The following COL25A1 variants were observed in gnomAD, a reference collection of about 807,000 sequenced individuals.
COL25A1 encodes collagen type XXV alpha 1 chain, also known as collagen alpha-1(XXV) chain.
In COL25A1, 103 loss-of-function variants were observed where a neutral mutation model predicts 128.4. That is an observed-to-expected ratio of 0.80 (90% CI 0.68 to 0.94). COL25A1 has a LOEUF of 0.94. COL25A1 is among the 40% of genes least tolerant of loss of function. COL25A1 has a pLI of 0.00. For missense variants in COL25A1, 745 were observed against 840.0 expected, an observed-to-expected ratio of 0.89 and a Z score of 1.40; for synonymous variants, 279 against 277.2, an observed-to-expected ratio of 1.01 and a Z score of -0.06.
At position 108,819,760 on chromosome 4, in the gene COL25A1, A is replaced by G. The variant is rs564497862; in HGVS notation, c.1846-431T>C. The G allele has an allele frequency of 5.1e-6, 5 of 989,566 alleles. No homozygotes were observed. In the African/African-American group the frequency reaches 8.4e-5, roughly 17 times the overall value. The allele number at this position is 989,566 out of a possible 1,614,324, so 61.3% of individuals were successfully genotyped here. A position where few individuals can be genotyped will look rare whatever the true frequency, so the allele number is the denominator to read the frequency against. On this transcript the variant is annotated intron_variant, in intron 35 of 37. Transcript: ENST00000399132. ...GATCCCTCCGGCTTGCTCTTCTCCC[A>G]TCTGATCCCCTCACACAAACATCTG...
At chr4:109,250,517 G>A (rs6822217) in intron 3 of COL25A1, among the ~76,000 whole-genome samples, 2,205 of 152,134 alleles carry the variant, frequency 0.014, 71 homozygotes, top group African/African-American at 0.05. Context: ...GTATAGTTTC[G>A]GTTCAAGTCT....
rs573260880 is a variant in COL25A1, at chr4:109,007,269, T to A, written c.438+3089A>T. Among the ~76,000 whole-genome samples the A allele has an allele frequency of 8.5e-5, 13 of 152,284 alleles. No homozygotes were observed. In the South Asian group the frequency reaches 2.3e-3, roughly 27 times the overall value. ...CCTATATAAAATTCATCTATAATTT[T>A]AAAAATATCAGAGAAAAGCTAATGA... On this transcript the variant is annotated intron_variant, in intron 6 of 37. Transcript: ENST00000399132.
At chr4:109,211,845 C>T (rs769535827) in intron 3 of COL25A1, among the ~76,000 whole-genome samples, 5 of 152,038 alleles carry the variant, frequency 3.3e-5, no homozygotes, top group Non-Finnish European at 7.4e-5. Flanking sequence ...TTCCAGGCAA[C>T]CATGTTGACC....
At chr4:109,079,165 C>T (rs966052445) in intron 3 of COL25A1, among the ~76,000 whole-genome samples, 6 of 152,120 alleles carry the variant, frequency 3.9e-5, no homozygotes, top group African/African-American at 1.4e-4. Context: ...ATAATAATCC[C>T]AAGATTCAGA....
At chr4:109,065,988 G>C (rs550705270) in intron 3 of COL25A1, among the ~76,000 whole-genome samples, 1 of 152,154 alleles carries the variant, frequency 6.6e-6, no homozygotes, top group Non-Finnish European at 1.5e-5. Context: ...ACCTGGAGCT[G>C]AGCAGAGCCC....
chr4:108,898,281 T>C, intron 15 of COL25A1, among the ~76,000 whole-genome samples: 1 of 152,180 alleles, frequency 6.6e-6, no homozygotes, highest in East Asian at 1.9e-4. Context: ...AATGGTTTTT[T>C]TTCTTTACAA....
chr4:109,021,563 G>A (rs981436851), intron 5 of COL25A1, among the ~76,000 whole-genome samples: 1 of 152,106 alleles, frequency 6.6e-6, no homozygotes, highest in African/African-American at 2.4e-5. Context: ...TGAAATCAGT[G>A]CACCTTGAAA....
intron 6 of COL25A1, 98 bp from the exon 7 acceptor site, chr4:108,974,657 A>G: frequency 1.0e-6 from 1 of 985,458 alleles, no homozygotes. Flanking sequence ...CAAAGAATAC[A>G]GAGATAGCTG....
chr4:109,126,050 T>C (rs1768568266), intron 3 of COL25A1, among the ~76,000 whole-genome samples: 3 of 152,200 alleles, frequency 2.0e-5, no homozygotes, highest in South Asian at 4.1e-4. Flanking sequence ...ATTTCCTATG[T>C]GCTTTGCTGT....
intron 22 of COL25A1, 128 bp from the exon 23 acceptor site, chr4:108,861,099 C>T: frequency 1.4e-6 from 1 of 708,904 alleles, no homozygotes; most frequent in South Asian, 1.7e-5. Flanking sequence ...ACAACAGCAA[C>T]CACCACCAAA....
At chr4:109,141,299 G>A (rs1385148858) in intron 3 of COL25A1, among the ~76,000 whole-genome samples, 2 of 152,162 alleles carry the variant, frequency 1.3e-5, no homozygotes, top group African/African-American at 2.4e-5. Flanking sequence ...GATCGTGGTG[G>A]ATAAGCTTTT....
intron 35 of COL25A1, among the ~76,000 whole-genome samples, chr4:108,820,097 T>C (rs1222379455): frequency 6.6e-6 from 1 of 152,176 alleles, no homozygotes; most frequent in Non-Finnish European, 1.5e-5. Flanking sequence ...GGATTTTATT[T>C]AAGATACTCA....
intron 18 of COL25A1, among the ~76,000 whole-genome samples, chr4:108,885,110 C>T (rs187416137): frequency 1.7e-4 from 26 of 152,220 alleles, no homozygotes; most frequent in Admixed American, 9.2e-4. Context: ...GGTGATACTA[C>T]TTCGTGATGG....
intron 6 of COL25A1, among the ~76,000 whole-genome samples, chr4:108,991,287 A>G (rs1028494534): frequency 6.6e-6 from 1 of 152,302 alleles, no homozygotes; most frequent in South Asian, 2.1e-4. Context: ...CAGTGAGAAA[A>G]ATTCTAAGAT....
intron 8 of COL25A1, among the ~76,000 whole-genome samples, chr4:108,948,451 CA>C (rs1749028605): frequency 6.6e-6 from 1 of 152,018 alleles, no homozygotes; most frequent in Non-Finnish European, 1.5e-5. Flanking sequence ...TCAACTGGCT[CA>C]AAAAGTTACT....
intron 3 of COL25A1, among the ~76,000 whole-genome samples, chr4:109,219,423 G>A (rs1475828400): frequency 1.3e-5 from 2 of 151,852 alleles, no homozygotes; most frequent in Non-Finnish European, 2.9e-5. Context: ...GAAAGACTGA[G>A]AACAAATAAT....
intron 33 of COL25A1, among the ~76,000 whole-genome samples, chr4:108,826,770 G>T (rs1439808482): frequency 1.3e-5 from 2 of 152,144 alleles, no homozygotes; most frequent in Non-Finnish European, 2.9e-5. Flanking sequence ...AGCTTCCACA[G>T]CCATTTTTGG....
At chr4:109,301,286 CATT>C (rs1725498344) in intron 2 of COL25A1, among the ~76,000 whole-genome samples, 1 of 151,992 alleles carries the variant, frequency 6.6e-6, no homozygotes, top group African/African-American at 2.4e-5. Context: ...TTATATATGA[CATT>C]ATTTTACATT....
chr4:108,908,472 G>A (rs1245403011), intron 13 of COL25A1, among the ~76,000 whole-genome samples: 3 of 152,034 alleles, frequency 2.0e-5, no homozygotes, highest in Admixed American at 6.6e-5. Flanking sequence ...TTATCATTCC[G>A]GGAAGCAGAG....
Sources: allele counts gnomAD v4.1 joint callset (sites outside exome capture counted in the v4.1 genomes callset), GRCh38; gene constraint gnomAD v4.1.1; transcripts MANE v1.5; gene names NCBI Gene and HGNC (gene_info 2026-07-23, HGNC 2026-07-21).